Variants in RP1 observed in about 807,000 individuals in gnomAD.
RP1 encodes RP1 axonemal microtubule associated.
In RP1, 16 loss-of-function variants were observed where a neutral mutation model predicts 14.8. That is an observed-to-expected ratio of 1.08 (90% CI 0.73 to 1.65). The LOEUF (loss-of-function observed/expected upper bound fraction) is 1.65. Among genes scored for constraint, RP1 ranks in the 40% most tolerant of loss-of-function variants. RP1 has a pLI of 0.00. For missense variants in RP1, 2,631 were observed against 2,535.0 expected, an observed-to-expected ratio of 1.04 and a Z score of -0.81; for synonymous variants, 876 against 883.6, an observed-to-expected ratio of 0.99 and a Z score of 0.15.
chr8:54,752,709 C>A (rs1457544658), intron 19 of RP1, among the ~76,000 whole-genome samples: 1 of 152,174 alleles, frequency 6.6e-6, no homozygotes, highest in Non-Finnish European at 1.5e-5. Flanking sequence ...ACCCCCCACA[C>A]TCTCACACTG....
chr8:54,588,621 AGT>A (rs760890023), intron 1 of RP1, among the ~76,000 whole-genome samples: 9 of 152,196 alleles, frequency 5.9e-5, no homozygotes, highest in Non-Finnish European at 1.0e-4. Context: ...GTCAGAAGCT[AGT>A]GTTAGTAGCC....
intron 22 of RP1, among the ~76,000 whole-genome samples, chr8:54,759,880 T>G (rs1468559415): frequency 1.3e-5 from 2 of 152,184 alleles, no homozygotes; most frequent in African/African-American, 2.4e-5. Flanking sequence ...AGGTTCCATT[T>G]TGAAAATTTG....
chr8:54,783,502 G>T, intron 23 of RP1: 1 of 1,028,752 alleles, frequency 9.7e-7, no homozygotes, highest in Non-Finnish European at 1.2e-6. Context: ...ATATTAATGT[G>T]TTTTTCCCCT....
exon 23 of RP1, chr8:54,769,957 CAT>C: frequency 1.7e-6 from 1 of 583,148 alleles, no homozygotes; most frequent in Non-Finnish European, 2.9e-6. Context: ...GAAATAAAAA[CAT>C]ATGTAAAGCT....
chr8:54,834,785 C>T (rs1051015943), intron 24 of RP1, among the ~76,000 whole-genome samples: 2 of 151,640 alleles, frequency 1.3e-5, no homozygotes, highest in African/African-American at 4.8e-5. Context: ...ACATTCCTGC[C>T]CTGAGTTGAA....
chr8:54,698,104 C>T lies in RP1; in HGVS notation c.1718-1363C>T, dbSNP rs138711923. 1.8e-3 allele frequency among the ~76,000 whole-genome samples: 269 copies of T among 152,092 alleles called. 7 individuals carry two copies. The East Asian group carries it at 0.045, about 26-fold the overall frequency. ...GAAACTATCATCAGAGTGAACAGGC[C>T]ACCTACAGAATGGGAGAAAAGTTTT... is the stretch of plus-strand genomic sequence containing the variant. On this transcript the variant is annotated intron_variant, in intron 12 of 22. Transcript: ENST00000636932.
In RP1 at chr8:54,648,984, G is replaced by T. The variant is rs1279773484; in HGVS notation, c.788-1G>T. The T allele has an allele frequency of 6.7e-7, 1 of 1,497,338 alleles. No individual in the cohort carries two copies. The highest frequency in any genetic ancestry group is 2.4e-5 in the Admixed American group (1 of 41,520). 92.8% of individuals were successfully genotyped at this position (1,497,338 alleles called of 1,614,324 possible). A position where few individuals can be genotyped will look rare whatever the true frequency, so the allele number is the denominator to read the frequency against. The stretch of plus-strand genomic sequence containing the variant: ...GCTGTATGTTATTTTTTCTTTTATA[G>T]GTAGTAACTGGAAAGTTTTTATAAT... On this transcript the variant is annotated splice_acceptor_variant, in intron 3 of 22. Coordinates refer to the RP1 transcript ENST00000636932. LOFTEE classifies it high-confidence loss of function.
At chr8:54,779,285 C>A (rs1313091555) in intron 23 of RP1, among the ~76,000 whole-genome samples, 1 of 152,152 alleles carries the variant, frequency 6.6e-6, no homozygotes. Flanking sequence ...CATGGGAACA[C>A]GTTTGCTGTC....
intron 23 of RP1, chr8:54,783,429 C>G (rs1252014427): frequency 1.4e-5 from 7 of 488,604 alleles, no homozygotes; most frequent in Non-Finnish European, 2.3e-5. Context: ...TATTTTAGTA[C>G]TTGATTTCAC....
chr8:54,667,117 T>C (rs1563342195), intron 7 of RP1, among the ~76,000 whole-genome samples: 1 of 152,046 alleles, frequency 6.6e-6, no homozygotes, highest in Non-Finnish European at 1.5e-5. Flanking sequence ...CCTTTTTTTT[T>C]ACTTTCATTT....
chr8:54,663,606 T>C, intron 6 of RP1: 6 of 1,274,436 alleles, frequency 4.7e-6, no homozygotes, highest in Non-Finnish European at 6.1e-6. Context: ...ATCTTGGAAC[T>C]TTTCCACCAT....
chr8:54,667,283 A>G (rs1807039856), intron 7 of RP1, among the ~76,000 whole-genome samples: 1 of 152,044 alleles, frequency 6.6e-6, no homozygotes, highest in Admixed American at 6.6e-5. Flanking sequence ...ACAACAGGAT[A>G]ACTAAAGGAC....
intron 24 of RP1, among the ~76,000 whole-genome samples, chr8:54,786,972 C>G (rs574190158): frequency 6.6e-6 from 1 of 152,112 alleles, no homozygotes; most frequent in Non-Finnish European, 1.5e-5. Flanking sequence ...TTTTATATAA[C>G]TGTTCATATG....
intron 22 of RP1, among the ~76,000 whole-genome samples, chr8:54,766,295 T>A (rs1345670053): frequency 6.6e-6 from 1 of 152,166 alleles, no homozygotes; most frequent in Non-Finnish European, 1.5e-5. Context: ...TAAAATACAA[T>A]TTTTATAGGG....
chr8:54,818,192 C>T (rs1316091741), intron 24 of RP1, among the ~76,000 whole-genome samples: 1 of 152,210 alleles, frequency 6.6e-6, no homozygotes, highest in South Asian at 2.1e-4. Flanking sequence ...CAGTTTTAAA[C>T]CAAATGTTCA....
chr8:54,701,430 AT>A (rs533909467), intron 13 of RP1: 5 of 1,444,516 alleles, frequency 3.5e-6, no homozygotes, highest in Non-Finnish European at 2.7e-6. Flanking sequence ...ATGTGATTAC[AT>A]TAAATTTTTT....
At chr8:54,673,391 A>G (rs1057376349) in intron 7 of RP1, among the ~76,000 whole-genome samples, 4 of 152,226 alleles carry the variant, frequency 2.6e-5, no homozygotes, top group African/African-American at 9.6e-5. Flanking sequence ...TTCTGAATAT[A>G]TAAACCATTG....
intron 8 of RP1, among the ~76,000 whole-genome samples, chr8:54,675,203 A>T (rs1255087335): frequency 2.0e-5 from 3 of 152,200 alleles, no homozygotes; most frequent in African/African-American, 7.2e-5. Context: ...TGTAAATAAA[A>T]GAAATAATCT....
chr8:54,628,713 C>T lies in RP1; in HGVS notation c.4831C>T (p.Pro1611Ser), dbSNP rs201519839. ...GCCATATAAAACATCCAGTGATGAT[C>T]CCAATGACAGTGGCGAACTTACCCA... The part of the protein sequence containing the change: ...EQPYKTSSDD[P>S]NDSGELTQEK... The change falls in exon 4 of 4, where the codon CCC (proline) becomes TCC (serine). Residue 1611 changes from proline to serine, a missense_variant. Pro to Ser is a moderately conservative substitution (Grantham distance 74). Coordinates refer to ENST00000220676, the MANE Select transcript of RP1 (RefSeq NM_006269.2). 1.2e-6 allele frequency: 2 copies of T among 1,614,030 alleles called. No homozygotes were observed. The highest frequency in any genetic ancestry group is 8.5e-7 in the Non-Finnish European group (1 of 1,179,944).
Sources: allele counts gnomAD v4.1 joint callset (sites outside exome capture counted in the v4.1 genomes callset), GRCh38; gene constraint gnomAD v4.1.1; transcripts MANE v1.5; gene names NCBI Gene and HGNC (gene_info 2026-07-23, HGNC 2026-07-21).